TRHDE: variants seen among roughly 807,000 people sequenced by gnomAD.
TRHDE encodes thyrotropin-releasing hormone-degrading ectoenzyme.
TRHDE carries 72 observed loss-of-function variants against 125.7 expected under a neutral mutation model. The observed-to-expected ratio is 0.57, with a 90% confidence interval of 0.47 to 0.70. The LOEUF (loss-of-function observed/expected upper bound fraction) is 0.70, where lower values mean the gene tolerates loss of function less well. Ranked by LOEUF, TRHDE falls within the 30% of genes least tolerant of loss-of-function variation. TRHDE has a pLI of 0.00. For synonymous variants in TRHDE, 509 were observed against 509.1 expected, an observed-to-expected ratio of 1.00 and a Z score of 0.00; for missense variants, 1,110 against 1,327.1, an observed-to-expected ratio of 0.84 and a Z score of 2.54.
rs960113005 is a variant in TRHDE at position 72,240,824 on chromosome 12, G to T, written n.279+135072G>T. On this transcript the variant is annotated intron_variant and non_coding_transcript_variant, in intron 2 of 4. Transcript: ENST00000548156. ...CCTGACCTCGTGATCCACCCACCTC[G>T]GCCTCCCAAAGTGCTGGGATTACAG... is the stretch of plus-strand genomic sequence containing the variant. 2.0e-5 allele frequency among the ~76,000 whole-genome samples: 3 copies of T among 152,076 alleles called. No homozygotes were observed. In the South Asian group the frequency reaches 6.2e-4, roughly 32 times the overall value.
chr12:72,601,084 T>C (rs1020752968), intron 12 of TRHDE, among the ~76,000 whole-genome samples: 1 of 152,110 alleles, frequency 6.6e-6, no homozygotes, highest in Non-Finnish European at 1.5e-5. Flanking sequence ...CTGGAGAAGA[T>C]TCATCATTCC....
intron 2 of TRHDE, among the ~76,000 whole-genome samples, chr12:72,233,185 C>A (rs916036228): frequency 6.6e-6 from 1 of 152,072 alleles, no homozygotes; most frequent in Non-Finnish European, 1.5e-5. Context: ...GGACAATGAA[C>A]CAGGAGTATG....
At chr12:72,444,384 A>AT (rs924593169) in intron 3 of TRHDE, among the ~76,000 whole-genome samples, 2 of 151,760 alleles carry the variant, frequency 1.3e-5, no homozygotes, top group Non-Finnish European at 2.9e-5. Flanking sequence ...GTTCTGCTTA[A>AT]TTTTTTTAAA....
intron 3 of TRHDE, among the ~76,000 whole-genome samples, chr12:72,468,822 C>T (rs1396915200): frequency 6.6e-6 from 1 of 152,214 alleles, no homozygotes; most frequent in Non-Finnish European, 1.5e-5. Flanking sequence ...GCAATCACCA[C>T]TTTGCATTTC....
Position 72,637,134 on chromosome 12 carries a change from G to A in TRHDE, c.2676-15188G>A, listed in dbSNP as rs1051532385. On this transcript the variant is annotated intron_variant, in intron 15 of 18. Coordinates refer to ENST00000261180, the MANE Select transcript of TRHDE (RefSeq NM_013381.3). ...TTCGGCTGTGAATCCATCTGGTCCC[G>A]GACTCTTTTTGGTTGGTAAGCTATT... Among the ~76,000 whole-genome samples, 5 of 152,094 alleles carry A rather than the reference G, an allele frequency of 3.3e-5. No individual in the cohort carries two copies. The South Asian group carries it at 6.2e-4, about 19-fold the overall frequency.
At chr12:72,528,837 TG>T (rs1167287233) in intron 6 of TRHDE, among the ~76,000 whole-genome samples, 2 of 152,238 alleles carry the variant, frequency 1.3e-5, no homozygotes, top group Non-Finnish European at 2.9e-5. Flanking sequence ...GTTATTAGTT[TG>T]GGGCATTTTA....
intron 12 of TRHDE, among the ~76,000 whole-genome samples, chr12:72,615,236 T>C (rs1872772134): frequency 1.3e-5 from 2 of 152,178 alleles, no homozygotes; most frequent in South Asian, 2.1e-4. Flanking sequence ...CACAATTATA[T>C]ATTAAACACA....
At position 72,668,257 on chromosome 12, in the gene TRHDE, TTAGG is replaced by T. The variant is rs1322924999; in HGVS notation, c.*5065_*5068del. On this transcript the variant is annotated 3_prime_UTR_variant, in exon 19 of 19. Transcript: ENST00000261180. ...ATTTTGTGAAATTTTATTTTAAAGT[TTAGG>T]TAAGGAAAGTTTTTAAACTGTCTTA... 1 of 151,720 alleles carries T rather than the reference TTAGG, an allele frequency of 6.6e-6. No homozygotes were observed. The highest frequency in any genetic ancestry group is 2.1e-4 in the South Asian group (1 of 4,828). The allele number at this position is 151,720 out of a possible 1,614,324, so 9.4% of individuals were successfully genotyped here.
chr12:72,249,238 G>GT (rs1385654565), intron 2 of TRHDE, among the ~76,000 whole-genome samples: 1 of 152,052 alleles, frequency 6.6e-6, no homozygotes, highest in Non-Finnish European at 1.5e-5. Context: ...AAAGACATTC[G>GT]TAAGCAAAAC....
intron 2 of TRHDE, among the ~76,000 whole-genome samples, chr12:72,221,087 G>C (rs892547005): frequency 1.3e-5 from 2 of 152,044 alleles, no homozygotes; most frequent in Non-Finnish European, 2.9e-5. Context: ...TGGAAACAAA[G>C]TCTATTCAGT....
At chr12:72,450,528 A>C (rs1057485014) in intron 3 of TRHDE, among the ~76,000 whole-genome samples, 3 of 152,106 alleles carry the variant, frequency 2.0e-5, no homozygotes, top group Admixed American at 1.3e-4. Flanking sequence ...CCTACCTCAC[A>C]TACTTATTAC....
intron 9 of TRHDE, among the ~76,000 whole-genome samples, chr12:72,563,781 T>C (rs1381924786): frequency 6.9e-6 from 1 of 145,080 alleles, no homozygotes; most frequent in Non-Finnish European, 1.5e-5. Flanking sequence ...TAGTAAGACT[T>C]TCGTTCCAGT....
At chr12:72,172,765 G>T (rs1439682104) in intron 2 of TRHDE, among the ~76,000 whole-genome samples, 1 of 152,164 alleles carries the variant, frequency 6.6e-6, no homozygotes, top group East Asian at 1.9e-4. Context: ...TGAGAAGTTG[G>T]TTCCAATGTT....
chr12:72,185,783 C>T (rs1877195251), intron 2 of TRHDE, among the ~76,000 whole-genome samples: 1 of 151,706 alleles, frequency 6.6e-6, no homozygotes, highest in South Asian at 2.1e-4. Context: ...TGTAAATACA[C>T]CACTCGGCAC....
intron 3 of TRHDE, among the ~76,000 whole-genome samples, chr12:72,443,789 G>A (rs1227365993): frequency 6.6e-6 from 1 of 151,750 alleles, no homozygotes; most frequent in Non-Finnish European, 1.5e-5. Flanking sequence ...GAGGGGAGAG[G>A]CTGCTATAGA....
chr12:72,619,491 G>A (rs1872958019), intron 13 of TRHDE, among the ~76,000 whole-genome samples: 1 of 152,078 alleles, frequency 6.6e-6, no homozygotes, highest in African/African-American at 2.4e-5. Context: ...CAACATTGAG[G>A]CAAAAGCCCA....
At chr12:72,627,996 A>G (rs1375748957) in intron 15 of TRHDE, among the ~76,000 whole-genome samples, 1 of 151,824 alleles carries the variant, frequency 6.6e-6, no homozygotes, top group Non-Finnish European at 1.5e-5. Context: ...ATGCTATTGC[A>G]TATTTCTTCC....
intron 17 of TRHDE, among the ~76,000 whole-genome samples, chr12:72,656,672 TA>T (rs1239831967): frequency 1.3e-5 from 2 of 152,026 alleles, no homozygotes; most frequent in East Asian, 1.9e-4. Context: ...AGGGCCCCTT[TA>T]AAAAATTTGC....
At chr12:72,581,223 A>G (rs755503293) in intron 12 of TRHDE, among the ~76,000 whole-genome samples, 11 of 152,240 alleles carry the variant, frequency 7.2e-5, no homozygotes, top group Non-Finnish European at 1.5e-4. Flanking sequence ...ATCAGTTATT[A>G]TATGATAGAA....
Sources: gnomAD v4.1 joint callset for allele counts (sites outside exome capture counted in the v4.1 genomes callset) on GRCh38, gnomAD v4.1.1 for gene constraint, MANE v1.5 for transcripts, NCBI Gene and HGNC (gene_info 2026-07-23, HGNC 2026-07-21) for gene names.